Variants in GSK3B observed in about 807,000 individuals in gnomAD.
GSK3B encodes the protein glycogen synthase kinase-3 beta.
Under a neutral mutation model 56.4 loss-of-function variants are expected in GSK3B, and 15 were observed. That is an observed-to-expected ratio of 0.27 (90% CI 0.18 to 0.41). The LOEUF (loss-of-function observed/expected upper bound fraction) is 0.41, where lower values mean the gene tolerates loss of function less well. Ranked by LOEUF, GSK3B falls within the 10% of genes least tolerant of loss-of-function variation. The pLI, the probability that GSK3B is intolerant of heterozygous loss-of-function variation, is 1.00. For synonymous variants in GSK3B, 181 were observed against 188.9 expected, an observed-to-expected ratio of 0.96 and a Z score of 0.34; for missense variants, 300 against 513.4, an observed-to-expected ratio of 0.58 and a Z score of 4.02.
At chr3:119,970,714 G>C (rs184353910) in intron 2 of GSK3B, among the ~76,000 whole-genome samples, 22 of 152,010 alleles carry the variant, frequency 1.4e-4, no homozygotes, top group African/African-American at 4.3e-4. Context: ...TTGAATCTGG[G>C]AGGTAGAGGT....
chr3:120,042,056 C>A (rs1165295085), intron 1 of GSK3B, among the ~76,000 whole-genome samples: 1 of 152,126 alleles, frequency 6.6e-6, no homozygotes, highest in African/African-American at 2.4e-5. Context: ...ATTAATCACC[C>A]GAGCACTGAA....
intron 9 of GSK3B, among the ~76,000 whole-genome samples, chr3:119,848,416 A>G (rs182509378): frequency 6.6e-6 from 1 of 150,458 alleles, no homozygotes; most frequent in East Asian, 1.9e-4. Context: ...AAGTTCAAGA[A>G]AAGCTTTTTT....
chr3:119,883,806 G>T (rs2056404984), intron 7 of GSK3B, among the ~76,000 whole-genome samples: 1 of 152,132 alleles, frequency 6.6e-6, no homozygotes, highest in African/African-American at 2.4e-5. Flanking sequence ...AAAGAATCTG[G>T]TTATTGAATG....
At chr3:119,918,651 G>A (rs2056805972) in intron 4 of GSK3B, among the ~76,000 whole-genome samples, 1 of 152,126 alleles carries the variant, frequency 6.6e-6, no homozygotes, top group African/African-American at 2.4e-5. Context: ...TATTTGTTTA[G>A]TTAATTCTTG....
chr3:119,827,321 C>G (rs1216681766), intron 10 of GSK3B, among the ~76,000 whole-genome samples: 1 of 152,084 alleles, frequency 6.6e-6, no homozygotes, highest in African/African-American at 2.4e-5. Flanking sequence ...AACAGACCCT[C>G]TTCATTATTC....
At chr3:120,006,024 G>A (rs1486559850) in intron 1 of GSK3B, among the ~76,000 whole-genome samples, 1 of 152,042 alleles carries the variant, frequency 6.6e-6, no homozygotes, top group Non-Finnish European at 1.5e-5. Flanking sequence ...GCTGTATTCA[G>A]GAGACCCATC....
At chr3:119,851,253 C>T (rs1451084874) in intron 9 of GSK3B, among the ~76,000 whole-genome samples, 1 of 152,178 alleles carries the variant, frequency 6.6e-6, no homozygotes, top group Non-Finnish European at 1.5e-5. Context: ...TTGTTTTATA[C>T]TGCAAAACAC....
At position 119,999,894 on chromosome 3, in the gene GSK3B, G is replaced by A. The variant is rs576192333; in HGVS notation, c.282+2152C>T. ...AATGGAAGACTATGGAAGTTTCTGC[G>A]TACACAAGTAAACTAGGCAGGTTTT... On this transcript the variant is annotated intron_variant, in intron 2 of 10. Coordinates refer to ENST00000264235, the MANE Select transcript of GSK3B (RefSeq NM_001146156.2). Among the ~76,000 whole-genome samples the A allele has an allele frequency of 8.4e-4, 128 of 152,304 alleles. No individual in the cohort carries two copies. The Middle Eastern group carries it at 0.01, about 12-fold the overall frequency.
intron 2 of GSK3B, among the ~76,000 whole-genome samples, chr3:119,976,274 A>G (rs1480535257): frequency 6.6e-6 from 1 of 152,204 alleles, no homozygotes; most frequent in Non-Finnish European, 1.5e-5. Flanking sequence ...ACTTGACACA[A>G]ATATTCATAG....
At chr3:119,949,786 T>A (rs1360301118) in intron 2 of GSK3B, among the ~76,000 whole-genome samples, 4 of 96,688 alleles carry the variant, frequency 4.1e-5, no homozygotes, top group East Asian at 3.0e-4. Flanking sequence ...AGAGCAAGAC[T>A]CCGTCTCAAA....
At chr3:119,873,852 G>A (rs546742401) in intron 8 of GSK3B, among the ~76,000 whole-genome samples, 1 of 152,182 alleles carries the variant, frequency 6.6e-6, no homozygotes, top group Non-Finnish European at 1.5e-5. Context: ...TGTGTATGAA[G>A]TGAAAACCAA....
At chr3:119,891,775 A>G (rs1003472681) in intron 7 of GSK3B, among the ~76,000 whole-genome samples, 9 of 152,142 alleles carry the variant, frequency 5.9e-5, no homozygotes, top group African/African-American at 2.2e-4. Flanking sequence ...AAGAGGGGGG[A>G]ATTTTAAAAA....
intron 9 of GSK3B, among the ~76,000 whole-genome samples, chr3:119,862,667 G>GTTTTTTTTT (rs79778347): frequency 9.1e-6 from 1 of 110,388 alleles, no homozygotes; most frequent in Non-Finnish European, 1.9e-5. Flanking sequence ...ACTATTTCTT[G>GTTTTTTTTT]TTTTTTTTTT....
At chr3:119,833,690 G>GTTTTTTTTTTTTTT (rs902919136) in intron 10 of GSK3B, among the ~76,000 whole-genome samples, 1 of 75,786 alleles carries the variant, frequency 1.3e-5, no homozygotes, top group African/African-American at 5.2e-5. Flanking sequence ...ACATTAGGTT[G>GTTTTTTTTTTTTTT]TTTTTTTTTT....
chr3:120,077,833 A>T (rs2058380272), intron 1 of GSK3B, among the ~76,000 whole-genome samples: 1 of 151,476 alleles, frequency 6.6e-6, no homozygotes, highest in East Asian at 1.9e-4. Context: ...GTACTCAAAA[A>T]ATTTTCTTCC....
rs1371816211 is a variant in GSK3B at position 120,047,485 on chromosome 3, G to GT, written c.89-45247dup. ...TCAATTTCCTTGTCTTAAAAGTAGTGTAAGTCTCACACTAAATATCAAAAG... is the reference window on the plus strand; with the variant it reads ...TCAATTTCCTTGTCTTAAAAGTAGTGTTAAGTCTCACACTAAATATCAAAAG... On this transcript the variant is annotated intron_variant, in intron 1 of 10. Transcript: ENST00000264235. Among the ~76,000 whole-genome samples, 4 of 152,272 alleles carry GT rather than the reference G, an allele frequency of 2.6e-5. No homozygotes were observed. In the East Asian group the frequency reaches 5.8e-4, roughly 22 times the overall value.
intron 10 of GSK3B, among the ~76,000 whole-genome samples, chr3:119,838,097 G>A (rs1277174146): frequency 6.6e-6 from 1 of 151,512 alleles, no homozygotes; most frequent in Admixed American, 6.6e-5. Flanking sequence ...AGACCAGCCT[G>A]GCCAACAAAG....
chr3:119,943,061 A>G (rs1193469420), intron 3 of GSK3B, among the ~76,000 whole-genome samples: 1 of 152,218 alleles, frequency 6.6e-6, no homozygotes, highest in Non-Finnish European at 1.5e-5. Context: ...TCTTTCTTCT[A>G]GTTACATTGG....
At chr3:119,877,630 G>GTCC (rs2056329515) in intron 7 of GSK3B, among the ~76,000 whole-genome samples, 1 of 152,110 alleles carries the variant, frequency 6.6e-6, no homozygotes, top group Non-Finnish European at 1.5e-5. Context: ...GTTGAATAGT[G>GTCC]TCCCTTGTAT....
Sources: gnomAD v4.1 joint callset for allele counts (sites outside exome capture counted in the v4.1 genomes callset) on GRCh38, gnomAD v4.1.1 for gene constraint, MANE v1.5 for transcripts, NCBI Gene and HGNC (gene_info 2026-07-23, HGNC 2026-07-21) for gene names.